The following XIAP variants were observed in gnomAD, a reference collection of about 807,000 sequenced individuals.
XIAP encodes X-linked inhibitor of apoptosis, also known as E3 ubiquitin-protein ligase XIAP.
Under a neutral mutation model 33.1 loss-of-function variants are expected in XIAP, and 3 were observed. That is an observed-to-expected ratio of 0.09 (90% CI 0.04 to 0.23). XIAP has a LOEUF of 0.23. Among genes scored for constraint, XIAP ranks in the 10% least tolerant of loss-of-function variants. XIAP has a pLI of 1.00. For missense variants in XIAP, 264 were observed against 363.0 expected, an observed-to-expected ratio of 0.73 and a Z score of 2.22; for synonymous variants, 98 against 121.3, an observed-to-expected ratio of 0.81 and a Z score of 1.26.
intron 1 of XIAP, among the ~76,000 whole-genome samples, chrX:123,875,108 T>C (rs183928365): frequency 9.4e-6 from 1 of 105,877 alleles, no homozygotes; most frequent in African/African-American, 3.5e-5. Flanking sequence ...CTGCAACCTC[T>C]GCCTCCCAGG....
Position 123,913,322 on chromosome X carries a change from T to G in XIAP, c.*6141T>G, listed in dbSNP as rs1373507110. 6.1e-6 allele frequency: 2 copies of G among 326,063 alleles called. No homozygotes were observed. The highest frequency in any genetic ancestry group is 5.3e-5 in the African/African-American group (2 of 37,396). 26.9% of individuals were successfully genotyped at this position (326,063 alleles called of 1,213,427 possible). ...CCCTGTCTGTACAAAAATACAAAAA[T>G]AGCTGGGCATGGTGGCGCATGCCTG... On this transcript the variant is annotated 3_prime_UTR_variant, in exon 7 of 7. Coordinates refer to ENST00000371199, the MANE Select transcript of XIAP (RefSeq NM_001167.4).
Position 123,908,429 on chromosome X carries a change from G to C in XIAP, c.*1248G>C, listed in dbSNP as rs751733284. On this transcript the variant is annotated 3_prime_UTR_variant, in exon 7 of 7. Coordinates refer to ENST00000371199, the MANE Select transcript of XIAP (RefSeq NM_001167.4). The stretch of plus-strand genomic sequence containing the variant: ...TAAGTCACTTTACTAAAAGATCTTT[G>C]TTAACTCAGTATTTTAAACATCTGT... 1 of 376,515 alleles carries C rather than the reference G, an allele frequency of 2.7e-6. No homozygotes were observed. Among genetic ancestry groups the C allele is most frequent in the South Asian group, 2.6e-5 (1 of 38,808 alleles). 31.0% of individuals were successfully genotyped at this position (376,515 alleles called of 1,213,427 possible).
chrX:123,912,637 A>G lies in XIAP; in HGVS notation c.*5456A>G, dbSNP rs2053614590. The G allele has an allele frequency of 3.1e-6, 1 of 322,363 alleles. No homozygotes were observed. The highest frequency in any genetic ancestry group is 6.0e-6 in the Non-Finnish European group (1 of 168,031). The allele number at this position is 322,363 out of a possible 1,213,427, so 26.6% of individuals were successfully genotyped here. ...GTGACAGTGCAAGACCTTGTCTCAG[A>G]ATAAATAAAGTATGTGATGAAGATG... On this transcript the variant is annotated 3_prime_UTR_variant, in exon 7 of 7. Transcript: ENST00000371199.
chrX:123,910,550 A>G lies in XIAP; in HGVS notation c.*3369A>G. On this transcript the variant is annotated 3_prime_UTR_variant, in exon 7 of 7. Transcript: ENST00000371199. ...ATCAGTAGGATATACTATGGGATGT[A>G]TATATATCATTGCTGTTAGAGAAAT... 1 of 329,325 alleles carries G rather than the reference A, an allele frequency of 3.0e-6. No individual in the cohort carries two copies. The highest frequency in any genetic ancestry group is 5.9e-6 in the Non-Finnish European group (1 of 169,994). 27.1% of individuals were successfully genotyped at this position (329,325 alleles called of 1,213,427 possible).
chrX:123,871,067 C>G (rs947335165), intron 1 of XIAP, among the ~76,000 whole-genome samples: 1 of 111,241 alleles, frequency 9.0e-6, no homozygotes, highest in Non-Finnish European at 1.9e-5. Context: ...CTCAGCCTAC[C>G]GGGTAGCTGG....
chrX:123,884,354 C>T (rs776967413), intron 1 of XIAP, among the ~76,000 whole-genome samples: 1 of 110,650 alleles, frequency 9.0e-6, no homozygotes, highest in Non-Finnish European at 1.9e-5. Context: ...CATGGTGGCG[C>T]ATGCCTGTAA....
rs760485123 is a variant in XIAP at position 123,901,816 on chromosome X, ATCTT to A, written c.1300+1133_1300+1136del. Among the ~76,000 whole-genome samples, 340 of 110,905 alleles carry A rather than the reference ATCTT, an allele frequency of 3.1e-3. 1 individual carries two copies. Among genetic ancestry groups the A allele is most frequent in the Non-Finnish European group, 4.8e-3 (255 of 52,821 alleles). ...TGGTAAAATAAACCCTTTAATTGTC[ATCTT>A]TCTTTCTTTTTTTAATTTTTTATTT... On this transcript the variant is annotated intron_variant, in intron 6 of 6. Coordinates refer to ENST00000371199, the MANE Select transcript of XIAP (RefSeq NM_001167.4).
At chrX:123,902,605 G>C (rs1259763072) in intron 6 of XIAP, among the ~76,000 whole-genome samples, 1 of 111,525 alleles carries the variant, frequency 9.0e-6, no homozygotes, top group Non-Finnish European at 1.9e-5. Context: ...CTAGTAAAAG[G>C]TCTTGTAAAA....
chrX:123,898,843 G>A (rs1409441882), intron 5 of XIAP, among the ~76,000 whole-genome samples: 4 of 104,629 alleles, frequency 3.8e-5, no homozygotes, highest in African/African-American at 1.0e-4. Context: ...TACAGTAGCC[G>A]GGCGCAGTGG....
chrX:123,872,592 G>C (rs2053204848), intron 1 of XIAP: 1 of 110,513 alleles, frequency 9.0e-6, no homozygotes, highest in Non-Finnish European at 1.9e-5. Context: ...AGAGGCTAAG[G>C]CAGGAGAATC....
rs2053604243 is a variant in XIAP, at chrX:123,911,659, C to CA, written c.*4479dup. ...TGCCACTGTACTCCAGTCTGGGTGA[C>CA]AGAGTGAGACCCCATCTCTAAATAA... On this transcript the variant is annotated 3_prime_UTR_variant, in exon 7 of 7. Coordinates refer to ENST00000371199, the MANE Select transcript of XIAP (RefSeq NM_001167.4). 3.1e-6 allele frequency: 1 copy of CA among 325,453 alleles called. No homozygotes were observed. Among genetic ancestry groups the CA allele is most frequent in the East Asian group, 9.8e-5 (1 of 10,230 alleles). 26.8% of individuals were successfully genotyped at this position (325,453 alleles called of 1,213,427 possible).
At position 123,912,070 on chromosome X, in the gene XIAP, T is replaced by C. The variant is rs185939201; in HGVS notation, c.*4889T>C. On this transcript the variant is annotated 3_prime_UTR_variant, in exon 7 of 7. Transcript: ENST00000371199. Reference sequence around the variant, plus strand: ...AATGTTTATGTTTTCAACTACTCTTTCCACTGTACCATAACTTTCACTACA... The same window carrying C: ...AATGTTTATGTTTTCAACTACTCTTCCCACTGTACCATAACTTTCACTACA... 1,520 of 326,479 alleles carry C rather than the reference T, an allele frequency of 4.7e-3. 4 individuals are homozygous for C. The highest frequency in any genetic ancestry group is 7.2e-3 in the Non-Finnish European group (1,220 of 169,551). The allele number at this position is 326,479 out of a possible 1,213,427, so 26.9% of individuals were successfully genotyped here.
At chrX:123,872,505 A>G (rs1039433066) in intron 1 of XIAP, 1 of 110,421 alleles carries the variant, frequency 9.1e-6, no homozygotes, top group Non-Finnish European at 1.9e-5. Context: ...TCTGGCCAAC[A>G]TGACGAAACC....
chrX:123,861,110 A>G (rs2053075607), intron 1 of XIAP, among the ~76,000 whole-genome samples: 1 of 111,550 alleles, frequency 9.0e-6, no homozygotes, highest in African/African-American at 3.3e-5. Context: ...ACAGACGGCC[A>G]TCTTAGAATT....
chrX:123,865,278 C>T (rs186666043), intron 1 of XIAP, among the ~76,000 whole-genome samples: 2 of 110,976 alleles, frequency 1.8e-5, no homozygotes, highest in African/African-American at 3.3e-5. Context: ...TCATGTGCTA[C>T]AGTGTTTGGA....
intron 6 of XIAP, among the ~76,000 whole-genome samples, chrX:123,902,652 A>G: frequency 9.0e-6 from 1 of 111,343 alleles, no homozygotes; most frequent in Non-Finnish European, 1.9e-5. Context: ...CTTTCTTTGA[A>G]AAAATTATGT....
At chrX:123,886,847 A>G (rs901127932) in intron 2 of XIAP, among the ~76,000 whole-genome samples, 1 of 111,887 alleles carries the variant, frequency 8.9e-6, no homozygotes, top group African/African-American at 3.2e-5. Context: ...AATATTAACC[A>G]TCATTTATTG....
chrX:123,910,197 T>C lies in XIAP; in HGVS notation c.*3016T>C, dbSNP rs1329626730. The C allele has an allele frequency of 3.0e-6, 1 of 328,964 alleles. No individual in the cohort carries two copies. Among genetic ancestry groups the C allele is most frequent in the East Asian group, 9.7e-5 (1 of 10,346 alleles). The allele number at this position is 328,964 out of a possible 1,213,427, so 27.1% of individuals were successfully genotyped here. A position where few individuals can be genotyped will look rare whatever the true frequency, so the allele number is the denominator to read the frequency against. On this transcript the variant is annotated 3_prime_UTR_variant, in exon 7 of 7. Transcript: ENST00000371199. ...ACAAACTAAATTCCAGTTAATTAAT[T>C]AATAGCTTTATATTGCCTTTCCTGC...
chrX:123,876,776 CAT>C (rs997794884), intron 1 of XIAP, among the ~76,000 whole-genome samples: 2 of 111,650 alleles, frequency 1.8e-5, no homozygotes, highest in Non-Finnish European at 3.8e-5. Context: ...GTAAATACCA[CAT>C]ATTTCTATCA....
Sources: gnomAD v4.1 joint callset for allele counts (sites outside exome capture counted in the v4.1 genomes callset) on GRCh38, gnomAD v4.1.1 for gene constraint, MANE v1.5 for transcripts, NCBI Gene and HGNC (gene_info 2026-07-23, HGNC 2026-07-21) for gene names.